The following DENND2B variants were observed in gnomAD, a reference collection of about 807,000 sequenced individuals.
The protein encoded by DENND2B is DENN domain-containing protein 2B.
DENND2B carries 32 observed loss-of-function variants against 116.0 expected under a neutral mutation model. That is an observed-to-expected ratio of 0.28 (90% CI 0.21 to 0.37). DENND2B has a LOEUF of 0.37. Among genes scored for constraint, DENND2B ranks in the 10% least tolerant of loss-of-function variants. The pLI is 1.00. For missense variants in DENND2B, 1,276 were observed against 1,477.7 expected (o/e 0.86, Z 2.24); for synonymous variants, 588 against 583.9 (o/e 1.01, Z -0.10).
Position 8,730,798 on chromosome 11 carries a change from G to A in DENND2B, c.492C>T (p.Ile164=), listed in dbSNP as rs1189968093. The A allele has an allele frequency of 1.9e-6, 3 of 1,613,130 alleles. No individual in the cohort carries two copies. The East Asian group carries it at 6.7e-5, about 36-fold the overall frequency. ...CTTCCCATGCTGATATCTTCTCCCG[G>A]ATGCCCAGGCTGTGGGCGCGGGTAC... is the stretch of plus-strand genomic sequence containing the variant. ...RTGTRAHSLG[I]REKISAWEGR... is the part of the protein sequence containing the mutation. Residue 164 remains isoleucine, a synonymous_variant, in exon 3 of 20, where the codon ATC becomes ATT. Coordinates refer to ENST00000313726, the MANE Select transcript of DENND2B (RefSeq NM_213618.2). This position sits in a 1 kb window ranked among gnomAD's most constrained non-coding sequence, Gnocchi z 4.1.
chr11:8,771,296 A>G (rs1276497134), intron 1 of DENND2B, among the ~76,000 whole-genome samples: 1 of 152,036 alleles, frequency 6.6e-6, no homozygotes, highest in Non-Finnish European at 1.5e-5. Flanking sequence ...AGGACATTCC[A>G]CGCTATGGGG....
intron 4 of DENND2B, among the ~76,000 whole-genome samples, chr11:8,824,185 A>G (rs2134556220): frequency 6.8e-6 from 1 of 147,624 alleles, no homozygotes; most frequent in African/African-American, 2.5e-5. Flanking sequence ...TACAGGCGTG[A>G]GCCACCATGC....
chr11:8,741,010 A>G (rs2089567775), intron 2 of DENND2B, among the ~76,000 whole-genome samples: 2 of 152,352 alleles, frequency 1.3e-5, no homozygotes, highest in Non-Finnish European at 2.9e-5. Context: ...AAGTCCTGAG[A>G]AAAAGCCAAA....
At chr11:8,892,678 C>T (rs1000007239) in intron 1 of DENND2B, among the ~76,000 whole-genome samples, 3 of 152,086 alleles carry the variant, frequency 2.0e-5, no homozygotes, top group Non-Finnish European at 4.4e-5. Context: ...ACACATACAC[C>T]CTCCCAAGAC....
chr11:8,786,774 G>A (rs755512310), intron 1 of DENND2B, among the ~76,000 whole-genome samples: 14 of 152,072 alleles, frequency 9.2e-5, no homozygotes, highest in Non-Finnish European at 1.6e-4. Flanking sequence ...TCTTGACTGC[G>A]CCACTGCACT....
intron 3 of DENND2B, among the ~76,000 whole-genome samples, chr11:8,849,244 G>A (rs141609817): frequency 0.016 from 2,426 of 152,196 alleles, 69 homozygotes; most frequent in African/African-American, 0.056. Flanking sequence ...TGTAATCCCA[G>A]CACTTTGGGA....
chr11:8,743,899 A>T (rs2050723582), intron 2 of DENND2B, among the ~76,000 whole-genome samples: 1 of 151,578 alleles, frequency 6.6e-6, no homozygotes. Context: ...GGTATGCACT[A>T]CCATGCCTGA....
At chr11:8,822,639 G>C (rs577480190) in intron 4 of DENND2B, among the ~76,000 whole-genome samples, 157 of 152,202 alleles carry the variant, frequency 1.0e-3, no homozygotes, top group Non-Finnish European at 1.9e-3. Context: ...AACGTGGACT[G>C]TACCATCCCC....
intron 4 of DENND2B, among the ~76,000 whole-genome samples, chr11:8,829,137 A>G (rs1251365352): frequency 6.9e-6 from 1 of 145,522 alleles, no homozygotes; most frequent in African/African-American, 2.6e-5. Context: ...GTGTGTGTGC[A>G]TATGTGTGGT....
chr11:8,909,543 G>A lies in DENND2B; in HGVS notation c.-256+1278C>T, dbSNP rs2064287629. ...AGTGGATATACAGGACCCCATGCAC[G>A]TACAACCACTATGTTCTAAAGGAGG... On this transcript the variant is annotated intron_variant, in intron 1 of 22. Transcript: ENST00000534127. 3.9e-5 allele frequency among the ~76,000 whole-genome samples: 6 copies of A among 152,152 alleles called. No individual in the cohort carries two copies. In the South Asian group the frequency reaches 1.0e-3, roughly 26 times the overall value.
chr11:8,879,535 T>C (rs1461966067), intron 2 of DENND2B, among the ~76,000 whole-genome samples: 1 of 152,196 alleles, frequency 6.6e-6, no homozygotes, highest in Non-Finnish European at 1.5e-5. Flanking sequence ...AGTGACATGA[T>C]GTGCATTTGA....
At chr11:8,803,161 G>C (rs1486550542) in intron 1 of DENND2B, among the ~76,000 whole-genome samples, 1 of 152,038 alleles carries the variant, frequency 6.6e-6, no homozygotes, top group African/African-American at 2.4e-5. Flanking sequence ...AAGGCAAGCA[G>C]ATCACTTGAG....
chr11:8,897,277 T>C (rs1435342946), intron 1 of DENND2B, among the ~76,000 whole-genome samples: 1 of 151,632 alleles, frequency 6.6e-6, no homozygotes, highest in Non-Finnish European at 1.5e-5. Flanking sequence ...ACTAACTAAC[T>C]AACCAGAGGC....
upstream of DENND2B, among the ~76,000 whole-genome samples, chr11:8,814,483 T>C (rs7101895): frequency 0.087 from 13,219 of 152,036 alleles, 712 homozygotes; most frequent in East Asian, 0.19. Flanking sequence ...GGTGTCATAT[T>C]TTTTCCAGGT....
At chr11:8,718,022 A>C (rs2045275314) in intron 4 of DENND2B, 130 bp from the exon 5 acceptor site, 134 of 1,024,426 alleles carry the variant, frequency 1.3e-4, no homozygotes, top group Non-Finnish European at 1.7e-4. Context: ...CCCTCAGCTC[A>C]TGAGTCATGC....
intron 1 of DENND2B, among the ~76,000 whole-genome samples, chr11:8,801,732 A>G (rs1454112217): frequency 6.6e-6 from 1 of 150,504 alleles, no homozygotes; most frequent in Non-Finnish European, 1.5e-5. Flanking sequence ...GGCTGGGTGC[A>G]GTGGCTCACG....
intron 4 of DENND2B, among the ~76,000 whole-genome samples, chr11:8,818,053 G>C (rs560971139): frequency 3.0e-5 from 2 of 67,792 alleles, no homozygotes; most frequent in East Asian, 8.4e-4. Context: ...CTTGAGGTCA[G>C]GAGTTTGAGA....
intron 2 of DENND2B, among the ~76,000 whole-genome samples, chr11:8,744,423 C>T (rs1032587405): frequency 4.6e-5 from 7 of 152,088 alleles, no homozygotes; most frequent in Admixed American, 6.5e-5. Context: ...CATCAGCCAC[C>T]GCACCCAGCC....
intron 1 of DENND2B, among the ~76,000 whole-genome samples, chr11:8,751,682 A>G (rs1315292133): frequency 6.6e-6 from 1 of 152,200 alleles, no homozygotes; most frequent in Non-Finnish European, 1.5e-5. Flanking sequence ...TCATTCTTGA[A>G]GTCAGTGAGA....
Sources: allele counts gnomAD v4.1 joint callset (sites outside exome capture counted in the v4.1 genomes callset), GRCh38; gene constraint gnomAD v4.1.1; non-coding constraint Gnocchi (gnomAD v3.1); transcripts MANE v1.5; gene names NCBI Gene and HGNC (gene_info 2026-07-23, HGNC 2026-07-21).